The following HROB variants were observed in gnomAD, a reference collection of about 807,000 sequenced individuals.
HROB encodes the protein homologous recombination factor with OB-fold, also known as homologous recombination OB-fold protein.
HROB carries 44 observed loss-of-function variants against 61.0 expected under a neutral mutation model. The ratio of observed to expected loss-of-function variants is 0.72; its 90% CI spans 0.57 to 0.93. The LOEUF is 0.93. Among genes scored for constraint, HROB ranks in the 40% least tolerant of loss-of-function variants. The probability of loss-of-function intolerance (pLI) is 0.00; values close to 1 mark genes in which losing one functional copy is unlikely to be tolerated. For missense variants in HROB, 716 were observed against 796.2 expected, an observed-to-expected ratio of 0.90 and a Z score of 1.21; for synonymous variants, 301 against 310.4, an observed-to-expected ratio of 0.97 and a Z score of 0.32.
intron 8 of HROB, among the ~76,000 whole-genome samples, chr17:44,156,674 T>TA (rs2053980238): frequency 6.6e-6 from 1 of 151,924 alleles, no homozygotes. Flanking sequence ...TATTTATTTT[T>TA]TTTTTTTGAA....
chr17:44,150,764 C>T (rs2053777670), intron 3 of HROB, among the ~76,000 whole-genome samples, 197 bp from the exon 4 acceptor site: 1 of 152,218 alleles, frequency 6.6e-6, no homozygotes, highest in African/African-American at 2.4e-5. Flanking sequence ...CCGGCTTCCT[C>T]ACGTTTTCAA....
chr17:44,145,375 C>T, intron 2 of HROB, 122 bp downstream of exon 2: 1 of 1,168,492 alleles, frequency 8.6e-7, no homozygotes, highest in Middle Eastern at 2.0e-4. Context: ...ATGTTTTTGC[C>T]TGTGAGGTGC....
At chr17:44,145,309 C>G in intron 2 of HROB, 56 bp downstream of exon 2, 3 of 1,596,824 alleles carry the variant, frequency 1.9e-6, no homozygotes, top group Non-Finnish European at 2.6e-6. Flanking sequence ...TGTAAACACT[C>G]AGGTTCAGAA....
chr17:44,152,067 C>A (rs564903892), intron 4 of HROB, among the ~76,000 whole-genome samples: 6 of 151,850 alleles, frequency 4.0e-5, no homozygotes, highest in African/African-American at 9.7e-5. Context: ...GGATGGTCTC[C>A]ATCTTCTGAC....
intron 1 of HROB, among the ~76,000 whole-genome samples, chr17:44,144,674 C>T (rs2053560176): frequency 6.6e-6 from 1 of 151,990 alleles, no homozygotes; most frequent in African/African-American, 2.4e-5. Flanking sequence ...CTCAGCCTCC[C>T]AAGTAGCTGG....
At chr17:44,143,193 G>A (rs1007892731) in intron 1 of HROB, among the ~76,000 whole-genome samples, 8 of 151,972 alleles carry the variant, frequency 5.3e-5, no homozygotes, top group African/African-American at 1.9e-4. Context: ...CCGCCTTGGC[G>A]TCACAAAGTG....
chr17:44,148,322 G>A lies in HROB; in HGVS notation c.519G>A (p.Glu173=), dbSNP rs752571578. 23 of 1,614,200 alleles carry A rather than the reference G, an allele frequency of 1.4e-5. No homozygotes were observed. Among genetic ancestry groups the A allele is most frequent in the Non-Finnish European group, 1.9e-5 (23 of 1,180,040 alleles). The change falls in exon 3 of 10, where the codon GAG becomes GAA. Residue 173 remains glutamate (E), a synonymous_variant. Transcript: ENST00000585683. The part of the protein sequence containing the change: ...ASMELEEPGM[E]LECGVSSEAI... ...TGGAGTTGGAGGAGCCTGGCATGGA[G>A]CTGGAATGTGGAGTCAGCAGTGAGG...
chr17:44,150,257 C>T (rs1292521986), intron 3 of HROB, among the ~76,000 whole-genome samples: 1 of 152,142 alleles, frequency 6.6e-6, no homozygotes. Context: ...TTGCTCTTCC[C>T]TAGCATGTTA....
intron 2 of HROB, 52 bp downstream of exon 2, chr17:44,145,305 C>T (rs762596657): frequency 6.3e-7 from 1 of 1,598,264 alleles, no homozygotes; most frequent in East Asian, 2.2e-5. Flanking sequence ...AAAATGTAAA[C>T]ACTCAGGTTC....
At position 44,147,893 on chromosome 17, in the gene HROB, G is replaced by T. The variant is rs1256372970; in HGVS notation, c.90G>T (p.Arg30=). The change falls in exon 3 of 10, where the codon CGG becomes CGT. Residue 30 remains arginine (R), a synonymous_variant. Transcript: ENST00000585683. ...FLSAVEDAEN[R]FTGSLPVNAG... ...CTGCTGTGGAGGATGCAGAGAACCG[G>T]TTTACTGGCTCACTGCCTGTGAATG... 1 of 1,613,844 alleles carries T rather than the reference G, an allele frequency of 6.2e-7. No homozygotes were observed. Among genetic ancestry groups the T allele is most frequent in the East Asian group, 2.2e-5 (1 of 44,894 alleles).
chr17:44,149,837 C>T (rs2053743915), intron 3 of HROB, among the ~76,000 whole-genome samples: 1 of 152,222 alleles, frequency 6.6e-6, no homozygotes, highest in Admixed American at 6.5e-5. Context: ...AACAAACAAA[C>T]ATGCACAAAG....
chr17:44,142,296 AG>A (rs2053469243), intron 1 of HROB, 151 bp downstream of exon 1: 1 of 1,077,644 alleles, frequency 9.3e-7, no homozygotes, highest in South Asian at 1.8e-5. Flanking sequence ...GGCTGTCGTC[AG>A]GGCTTGTCAT....
Position 44,148,607 on chromosome 17 carries a change from C to A in HROB, c.804C>A (p.Val268=), listed in dbSNP as rs1267603466. 1.2e-6 allele frequency: 2 copies of A among 1,613,704 alleles called. No homozygotes were observed. The highest frequency in any genetic ancestry group is 2.2e-5 in the South Asian group (2 of 91,084). ...CCACTCAGCAACTCCACTGGGAAGT[C>A]TGTCCGCAACGCTCCCCTGTTCAAG... is the stretch of plus-strand genomic sequence containing the variant. The part of the protein sequence containing the change: ...TVPTQQLHWE[V]CPQRSPVQAL... Residue 268 remains valine, a synonymous_variant, in exon 3 of 10, where the codon GTC becomes GTA. Coordinates refer to ENST00000585683, the MANE Select transcript of HROB (RefSeq NM_001171251.3).
Position 44,149,009 on chromosome 17 carries a change from T to G in HROB, c.1206T>G (p.Ala402=). ...RAKTRRFPGP[A]GILPHQQSGR... Reference sequence around the variant, plus strand: ...AAACTCGCCGTTTCCCTGGCCCAGCTGGGATCCTGCCTCACCAGGTGAGTG... The same window carrying G: ...AAACTCGCCGTTTCCCTGGCCCAGCGGGGATCCTGCCTCACCAGGTGAGTG... Residue 402 remains alanine, a synonymous_variant, in exon 3 of 10, where the codon GCT becomes GCG. Transcript: ENST00000585683. 1 of 1,613,742 alleles carries G rather than the reference T, an allele frequency of 6.2e-7. No homozygotes were observed. Among genetic ancestry groups the G allele is most frequent in the Non-Finnish European group, 8.5e-7 (1 of 1,179,792 alleles).
chr17:44,144,604 C>T lies in HROB; in HGVS notation c.4-599C>T, dbSNP rs1300973601. Among the ~76,000 whole-genome samples the T allele has an allele frequency of 2.6e-5, 4 of 151,566 alleles. No homozygotes were observed. The South Asian group carries it at 6.3e-4, about 24-fold the overall frequency. Reference sequence around the variant, plus strand: ...AGTGTTTTAATCTTTTTCTAAGAGGCGGGTCTCACTATGTTGCCCAGCCTA... The same window carrying T: ...AGTGTTTTAATCTTTTTCTAAGAGGTGGGTCTCACTATGTTGCCCAGCCTA... On this transcript the variant is annotated intron_variant, in intron 1 of 9. Transcript: ENST00000585683.
At chr17:44,158,837 C>T (rs528653019) in intron 9 of HROB, among the ~76,000 whole-genome samples, 430 of 152,132 alleles carry the variant, frequency 2.8e-3, no homozygotes, top group Non-Finnish European at 4.0e-3. Context: ...TTAGTAGAGA[C>T]GGGGTTTCAC....
intron 8 of HROB, among the ~76,000 whole-genome samples, chr17:44,156,851 C>T (rs773471217): frequency 5.3e-5 from 8 of 151,908 alleles, no homozygotes; most frequent in African/African-American, 7.3e-5. Context: ...TTAGTAGAGA[C>T]GGGATTTCAC....
rs374024374 is a variant in HROB, at chr17:44,148,463, G to A, written c.660G>A (p.Ala220=). 1.9e-5 allele frequency: 31 copies of A among 1,614,104 alleles called. 1 individual carries two copies. In the South Asian group the frequency reaches 2.3e-4, roughly 12 times the overall value. ...QKGPVPAIHK[A]GIMSAQDESL... is the part of the protein sequence containing the mutation. ...GGCCTGTGCCTGCCATCCACAAAGC[G>A]GGTATCATGTCCGCCCAGGATGAGT... The change falls in exon 3 of 10, where the codon GCG becomes GCA. Residue 220 remains alanine (A), a synonymous_variant. Coordinates refer to ENST00000585683, the MANE Select transcript of HROB (RefSeq NM_001171251.3).
rs1459710777 is a variant in HROB, at chr17:44,157,853, T to C, written c.1791T>C (p.His597=). 1.9e-6 allele frequency: 3 copies of C among 1,613,320 alleles called. No homozygotes were observed. The highest frequency in any genetic ancestry group is 2.5e-6 in the Non-Finnish European group (3 of 1,179,608). The change falls in exon 9 of 10, where the codon CAT becomes CAC. Residue 597 remains histidine, a synonymous_variant. Coordinates refer to ENST00000585683, the MANE Select transcript of HROB (RefSeq NM_001171251.3). ...CCCAGGATTCAGGGAGCTTCCAGCA[T>C]GATGTGGCTGCAAAGCCCGAGGAAG... ...PFPKDSGSFQ[H]DVAAKPEEGF...
Sources: gnomAD v4.1 joint callset for allele counts (sites outside exome capture counted in the v4.1 genomes callset) on GRCh38, gnomAD v4.1.1 for gene constraint, MANE v1.5 for transcripts, NCBI Gene and HGNC (gene_info 2026-07-23, HGNC 2026-07-21) for gene names.